The following CDH13 variants were observed in gnomAD, a reference collection of about 807,000 sequenced individuals.
CDH13 encodes cadherin-13.
In CDH13, 24 loss-of-function variants were observed where a neutral mutation model predicts 63.8. The ratio of observed to expected loss-of-function variants is 0.38; its 90% CI spans 0.27 to 0.53. The LOEUF is 0.53. CDH13 is among the 20% of genes least tolerant of loss of function. The probability of loss-of-function intolerance (pLI) is 0.85; values close to 1 mark genes in which losing one functional copy is unlikely to be tolerated. For missense variants in CDH13, 1,049 were observed against 903.1 expected (o/e 1.16, Z -2.07); for synonymous variants, 503 against 355.3 (o/e 1.42, Z -4.67).
rs778200911 is a variant in CDH13, at chr16:82,884,215, G to C, written c.157+25742G>C. 5.5e-5 allele frequency: 25 copies of C among 455,806 alleles called. 1 individual carries two copies. Among genetic ancestry groups the C allele is most frequent in the South Asian group, 3.9e-4 (25 of 64,542 alleles). The allele number at this position is 455,806 out of a possible 1,614,324, so 28.2% of individuals were successfully genotyped here. A position where few individuals can be genotyped will look rare whatever the true frequency, so the allele number is the denominator to read the frequency against. On this transcript the variant is annotated intron_variant, in intron 2 of 13. Coordinates refer to ENST00000567109, the MANE Select transcript of CDH13 (RefSeq NM_001257.5). ...TTCTACTAGCTGACAGACTTTTAAA[G>C]TAGAGGCCACTTTTAAAAGCCTGGG...
intron 11 of CDH13, among the ~76,000 whole-genome samples, chr16:83,761,983 CT>C (rs1665710368): frequency 6.6e-6 from 1 of 152,288 alleles, no homozygotes; most frequent in Non-Finnish European, 1.5e-5. Flanking sequence ...AGGAGAATCG[CT>C]TGACCCTGGG....
At chr16:82,677,890 C>G (rs1308384694) in intron 1 of CDH13, among the ~76,000 whole-genome samples, 6 of 152,108 alleles carry the variant, frequency 3.9e-5, no homozygotes, top group African/African-American at 1.4e-4. Flanking sequence ...TGGCTTCTGA[C>G]CTTGCTCTCA....
At chr16:83,062,196 T>G (rs2031616869) in intron 3 of CDH13, among the ~76,000 whole-genome samples, 1 of 152,176 alleles carries the variant, frequency 6.6e-6, no homozygotes, top group South Asian at 2.1e-4. Context: ...TGGTTAAATA[T>G]CACCTCTTCA....
intron 7 of CDH13, among the ~76,000 whole-genome samples, chr16:83,493,549 G>A (rs2074068170): frequency 6.6e-6 from 1 of 152,186 alleles, no homozygotes; most frequent in Non-Finnish European, 1.5e-5. Context: ...GAGTGCGGAA[G>A]CAGAAGGAAG....
At chr16:83,664,485 T>A (rs1913747970) in intron 8 of CDH13, among the ~76,000 whole-genome samples, 1 of 150,446 alleles carries the variant, frequency 6.6e-6, no homozygotes, top group Non-Finnish European at 1.5e-5. Context: ...TTTATGTAAA[T>A]ATATATCTTA....
intron 2 of CDH13, among the ~76,000 whole-genome samples, chr16:83,004,601 G>A (rs747384585): frequency 6.6e-6 from 1 of 152,012 alleles, no homozygotes; most frequent in Admixed American, 6.5e-5. Context: ...AGGTTCAAGC[G>A]ATTCTCGTGC....
intron 6 of CDH13, among the ~76,000 whole-genome samples, chr16:83,405,206 C>CTAGCTGTGTAAG (rs1234754079): frequency 6.6e-6 from 1 of 152,022 alleles, no homozygotes; most frequent in African/African-American, 2.4e-5. Context: ...TATGGATATA[C>CTAGCTGTGTAAG]TAGCTGTGTA....
intron 1 of CDH13, among the ~76,000 whole-genome samples, chr16:82,834,007 C>T (rs766480240): frequency 6.6e-6 from 1 of 152,162 alleles, no homozygotes; most frequent in Admixed American, 6.5e-5. Flanking sequence ...GTCACTGGCC[C>T]ATGACTATCT....
At chr16:83,570,196 G>A (rs915909623) in intron 7 of CDH13, among the ~76,000 whole-genome samples, 2 of 152,190 alleles carry the variant, frequency 1.3e-5, no homozygotes, top group African/African-American at 4.8e-5. Flanking sequence ...AACTCATGCT[G>A]TTGATTTCAT....
At chr16:83,791,239 G>A (rs766510748) in intron 13 of CDH13, among the ~76,000 whole-genome samples, 7 of 152,186 alleles carry the variant, frequency 4.6e-5, no homozygotes, top group African/African-American at 7.2e-5. Context: ...GCTCACGTCT[G>A]TAATCCCAAC....
intron 1 of CDH13, among the ~76,000 whole-genome samples, chr16:82,748,260 T>C (rs1217977807): frequency 6.6e-6 from 1 of 152,196 alleles, no homozygotes; most frequent in Non-Finnish European, 1.5e-5. Context: ...TTAGTCTCAT[T>C]ATTGCAACTC....
chr16:82,646,845 A>T (rs1328514651), intron 1 of CDH13, among the ~76,000 whole-genome samples: 1 of 152,202 alleles, frequency 6.6e-6, no homozygotes, highest in Non-Finnish European at 1.5e-5. Flanking sequence ...GCTCGAGGGA[A>T]GCCTGAGTCC....
chr16:83,366,960 G>T, intron 6 of CDH13, among the ~76,000 whole-genome samples: 1 of 151,970 alleles, frequency 6.6e-6, no homozygotes. Flanking sequence ...GCATATAACA[G>T]CTTATTGCAG....
chr16:83,645,964 A>G (rs1406598503), intron 8 of CDH13, among the ~76,000 whole-genome samples: 1 of 152,208 alleles, frequency 6.6e-6, no homozygotes, highest in Non-Finnish European at 1.5e-5. Context: ...GTTTTAAACC[A>G]TAGCTACATA....
intron 8 of CDH13, among the ~76,000 whole-genome samples, chr16:83,614,163 C>T (rs192534588): frequency 6.6e-6 from 1 of 152,206 alleles, no homozygotes; most frequent in East Asian, 1.9e-4. Flanking sequence ...GCTGATGATT[C>T]CCCCAGAGAG....
At chr16:82,805,160 C>A (rs2037080480) in intron 1 of CDH13, among the ~76,000 whole-genome samples, 1 of 152,128 alleles carries the variant, frequency 6.6e-6, no homozygotes, top group African/African-American at 2.4e-5. Context: ...ATGCTCAGCC[C>A]CCAGGTCCAT....
chr16:82,697,524 G>A (rs1411213632), intron 1 of CDH13, among the ~76,000 whole-genome samples: 2 of 142,994 alleles, frequency 1.4e-5, no homozygotes, highest in African/African-American at 5.1e-5. Flanking sequence ...CTGCCTCCGG[G>A]TTCAAGCAAT....
At chr16:83,189,048 A>G (rs1453939700) in intron 4 of CDH13, among the ~76,000 whole-genome samples, 1 of 152,144 alleles carries the variant, frequency 6.6e-6, no homozygotes, top group Non-Finnish European at 1.5e-5. Context: ...CATTTTCTGT[A>G]TTTATTAGCT....
chr16:83,289,252 T>G (rs964083640), intron 5 of CDH13, among the ~76,000 whole-genome samples: 1 of 152,242 alleles, frequency 6.6e-6, no homozygotes, highest in Non-Finnish European at 1.5e-5. Context: ...CCTTTTGGCC[T>G]CTACAGCTTG....
Sources: gnomAD v4.1 joint callset for allele counts (sites outside exome capture counted in the v4.1 genomes callset) on GRCh38, gnomAD v4.1.1 for gene constraint, MANE v1.5 for transcripts, NCBI Gene and HGNC (gene_info 2026-07-23, HGNC 2026-07-21) for gene names.